Variants in PICK1 observed in about 807,000 individuals in gnomAD.
PICK1 encodes protein interacting with PRKCA 1, also known as PRKCA-binding protein.
A neutral mutation model predicts 48.9 loss-of-function variants in PICK1; 23 were observed. The observed-to-expected ratio is 0.47, with a 90% confidence interval of 0.34 to 0.67. PICK1 has a LOEUF of 0.67. PICK1 is among the 30% of genes least tolerant of loss of function. PICK1 has a pLI of 0.01. For synonymous variants in PICK1, 217 were observed against 228.2 expected, an observed-to-expected ratio of 0.95 and a Z score of 0.44; for missense variants, 423 against 557.1, an observed-to-expected ratio of 0.76 and a Z score of 2.42.
intron 8 of PICK1, 83 bp downstream of exon 8, chr22:38,071,827 A>G: frequency 8.4e-7 from 1 of 1,191,404 alleles, no homozygotes. Flanking sequence ...GGTCAGACCC[A>G]CAGCGCCTGA....
rs376840369 is a variant in PICK1, at chr22:38,073,822, T to C, written c.833T>C (p.Ile278Thr). 6.2e-7 allele frequency: 1 copy of C among 1,613,134 alleles called. No homozygotes were observed. Among genetic ancestry groups the C allele is most frequent in the Admixed American group, 1.7e-5 (1 of 60,018 alleles). Residue 278 changes from isoleucine (I) to threonine (T), a missense_variant and splice_region_variant, in exon 11 of 13, where the codon ATT becomes ACT. Physicochemically the swap from Ile to Thr is moderately conservative, Grantham distance 89 (BLOSUM62 -1). Around this residue, in one of 2 missense-constraint regions of PICK1, gnomAD observed 279 missense variants for 417.8 expected, o/e 0.67. Transcript: ENST00000356976. The surrounding 1 kb of genome is among the most constrained non-coding windows in gnomAD (Gnocchi z 5.7). ...ATGGATGACGAGGAATACAGCTGCA[T>C]TGTGAGTGTTGGAGGGGGTGGGGGG... Reference protein sequence around the residue: ...KEMDDEEYSCIALGEPLYRVS... With the variant: ...KEMDDEEYSCTALGEPLYRVS...
At chr22:38,059,692 A>G (rs941985696) in intron 3 of PICK1, among the ~76,000 whole-genome samples, 1 of 152,236 alleles carries the variant, frequency 6.6e-6, no homozygotes, top group Non-Finnish European at 1.5e-5. Flanking sequence ...TATTGAATCA[A>G]CAAAACCATC....
chr22:38,070,898 G>A lies in PICK1; in HGVS notation c.493+7G>A, dbSNP rs1466794887. The A allele has an allele frequency of 1.9e-6, 3 of 1,610,516 alleles. No homozygotes were observed. Among genetic ancestry groups the A allele is most frequent in the African/African-American group, 1.3e-5 (1 of 74,854 alleles). ...ACCGCTGAGCTATACAAAGGTGGGT[G>A]GGGGGTGGCCTCGTCCTGGCACTAG... is the stretch of plus-strand genomic sequence containing the variant. On this transcript the variant is annotated splice_region_variant and intron_variant, in intron 7 of 12. Transcript: ENST00000356976.
chr22:38,067,423 C>T (rs2085555587), intron 4 of PICK1: 1 of 389,472 alleles, frequency 2.6e-6, no homozygotes, highest in Admixed American at 3.5e-5. Flanking sequence ...GATTCTTTGC[C>T]TCAGCCTCCT....
chr22:38,074,503 T>G lies in PICK1; in HGVS notation c.979+52T>G, dbSNP rs1205007011. On this transcript the variant is annotated intron_variant, in intron 12 of 12. Coordinates refer to ENST00000356976, the MANE Select transcript of PICK1 (RefSeq NM_012407.4). The surrounding 1 kb of genome is among the most constrained non-coding windows in gnomAD (Gnocchi z 4.5). ...CTCTCCATTTCAGAGGTGGGAAAAC[T>G]GAGGCCCAGAGGGGTACTCTCAGGG... 1.4e-6 allele frequency: 2 copies of G among 1,467,748 alleles called. No homozygotes were observed. The highest frequency in any genetic ancestry group is 1.2e-5 in the South Asian group (1 of 81,674). The allele number at this position is 1,467,748 out of a possible 1,614,324, so 90.9% of individuals were successfully genotyped here. A position where few individuals can be genotyped will look rare whatever the true frequency, so the allele number is the denominator to read the frequency against.
intron 3 of PICK1, among the ~76,000 whole-genome samples, chr22:38,062,500 G>T (rs371235175): frequency 2.0e-5 from 3 of 151,760 alleles, no homozygotes; most frequent in Admixed American, 2.0e-4. Context: ...CACCTGCCTC[G>T]ACCTCCCAAA....
rs2085298720 is a variant in PICK1 at position 38,057,534 on chromosome 22, C to T, written c.-111C>T. 5 of 505,924 alleles carry T rather than the reference C, an allele frequency of 9.9e-6. No individual in the cohort carries two copies. Among genetic ancestry groups the T allele is most frequent in the South Asian group, 9.8e-5 (4 of 40,664 alleles). 31.3% of individuals were successfully genotyped at this position (505,924 alleles called of 1,614,324 possible). A position where few individuals can be genotyped will look rare whatever the true frequency, so the allele number is the denominator to read the frequency against. ...CCCCAGGGCCTGGAGACCCGTGGGG[C>T]GGACTCTGGGATCTGAGCCTATCGC... On this transcript the variant is annotated 5_prime_UTR_variant, in exon 1 of 13. Coordinates refer to ENST00000356976, the MANE Select transcript of PICK1 (RefSeq NM_012407.4).
At chr22:38,057,982 C>T (rs2085311422) in intron 2 of PICK1, 132 bp downstream of exon 2, 1 of 771,722 alleles carries the variant, frequency 1.3e-6, no homozygotes, top group Non-Finnish European at 2.3e-6. Context: ...GCAATGGACC[C>T]TGCTCTCCCA....
chr22:38,064,579 T>A (rs1201119463), intron 3 of PICK1, among the ~76,000 whole-genome samples: 1 of 151,868 alleles, frequency 6.6e-6, no homozygotes, highest in Admixed American at 6.5e-5. Flanking sequence ...CTGACCAACA[T>A]GGAGAAACCC....
At chr22:38,063,632 C>G (rs2085458397) in intron 3 of PICK1, among the ~76,000 whole-genome samples, 1 of 149,534 alleles carries the variant, frequency 6.7e-6, no homozygotes, top group Non-Finnish European at 1.5e-5. Flanking sequence ...CTTTTCTTCT[C>G]TTCTCTGTTC....
chr22:38,068,376 C>T (rs1018199785), intron 5 of PICK1, among the ~76,000 whole-genome samples: 7 of 152,182 alleles, frequency 4.6e-5, no homozygotes, highest in Non-Finnish European at 5.9e-5. Context: ...TGGATCAAAG[C>T]CTGAGACCCA....
Position 38,073,890 on chromosome 22 carries a change from C to G in PICK1, c.834+67C>G, listed in dbSNP as rs2085763694. On this transcript the variant is annotated intron_variant, in intron 11 of 12. Coordinates refer to ENST00000356976, the MANE Select transcript of PICK1 (RefSeq NM_012407.4). This position sits in a 1 kb window ranked among gnomAD's most constrained non-coding sequence, Gnocchi z 5.7. ...CTGGTCTGCCAGGGATAGCAGGTGG[C>G]TCAGGCCAACCCGGGAGAGACCGGG... The G allele has an allele frequency of 6.7e-7, 1 of 1,487,258 alleles. No homozygotes were observed. Among genetic ancestry groups the G allele is most frequent in the Non-Finnish European group, 9.4e-7 (1 of 1,065,214 alleles). 92.1% of individuals were successfully genotyped at this position (1,487,258 alleles called of 1,614,324 possible).
Position 38,073,856 on chromosome 22 carries a change from T to TC in PICK1, c.834+39dup. 3 of 1,595,642 alleles carry TC rather than the reference T, an allele frequency of 1.9e-6. No individual in the cohort carries two copies. Among genetic ancestry groups the TC allele is most frequent in the Non-Finnish European group, 1.7e-6 (2 of 1,164,054 alleles). On this transcript the variant is annotated intron_variant, in intron 11 of 12. Coordinates refer to ENST00000356976, the MANE Select transcript of PICK1 (RefSeq NM_012407.4). The surrounding 1 kb of genome is among the most constrained non-coding windows in gnomAD (Gnocchi z 5.7). Reference sequence around the variant, plus strand: ...TTGGAGGGGGTGGGGGGCTTGTACTTCCCCCCACCTGGTCTGCCAGGGATA... The same window carrying TC: ...TTGGAGGGGGTGGGGGGCTTGTACTTCCCCCCCACCTGGTCTGCCAGGGATA...
chr22:38,061,542 A>G (rs1040447160), intron 3 of PICK1, among the ~76,000 whole-genome samples: 7 of 151,934 alleles, frequency 4.6e-5, no homozygotes, highest in Non-Finnish European at 7.4e-5. Flanking sequence ...ATTTTTCTCA[A>G]TAGTCTCACT....
chr22:38,062,857 CTTGTCACA>C (rs1001115223), intron 3 of PICK1, among the ~76,000 whole-genome samples: 78 of 152,172 alleles, frequency 5.1e-4, no homozygotes, highest in African/African-American at 1.8e-3. Flanking sequence ...GTGTGATGGC[CTTGTCACA>C]TTGTCCTTTG....
chr22:38,073,757 C>CA lies in PICK1; in HGVS notation c.784-15dup, dbSNP rs1569204581. On this transcript the variant is annotated splice_polypyrimidine_tract_variant and intron_variant, in intron 10 of 12. Transcript: ENST00000356976. The surrounding 1 kb of genome is among the most constrained non-coding windows in gnomAD (Gnocchi z 5.7). ...GGGGTAGTAGCCACTCTGACAGCCTCACCTGTCCCACACAGTCGTACTGCC... is the reference window on the plus strand; with the variant it reads ...GGGGTAGTAGCCACTCTGACAGCCTCAACCTGTCCCACACAGTCGTACTGCC... The CA allele has an allele frequency of 6.2e-7, 1 of 1,612,634 alleles. No individual in the cohort carries two copies.
chr22:38,067,528 C>T (rs880669), intron 4 of PICK1, 176 bp from the exon 5 acceptor site: 155,693 of 629,830 alleles, frequency 0.25, 20,646 homozygotes, highest in Non-Finnish European at 0.28. Context: ...AAGCTGGTCT[C>T]AAACTCCTGA....
In PICK1 at chr22:38,057,518, C is replaced by T. The variant is rs2085298200; in HGVS notation, c.-127C>T. On this transcript the variant is annotated 5_prime_UTR_variant, in exon 1 of 13. Coordinates refer to ENST00000356976, the MANE Select transcript of PICK1 (RefSeq NM_012407.4). ...AGCGACAGAGGCAGCTCCCCAGGGC[C>T]TGGAGACCCGTGGGGCGGACTCTGG... 6 of 475,688 alleles carry T rather than the reference C, an allele frequency of 1.3e-5. No individual in the cohort carries two copies. Among genetic ancestry groups the T allele is most frequent in the African/African-American group, 5.8e-5 (3 of 51,544 alleles). The allele number at this position is 475,688 out of a possible 1,614,324, so 29.5% of individuals were successfully genotyped here. A position where few individuals can be genotyped will look rare whatever the true frequency, so the allele number is the denominator to read the frequency against.
chr22:38,058,250 C>A, intron 2 of PICK1: 2 of 274,240 alleles, frequency 7.3e-6, no homozygotes, highest in South Asian at 9.0e-5. Context: ...TAGAATATAT[C>A]CTCTTTCAGA....
Sources: gnomAD v4.1 joint callset for allele counts (sites outside exome capture counted in the v4.1 genomes callset) on GRCh38, gnomAD v4.1.1 for gene constraint, gnomAD v4.1.1 regional missense constraint, Gnocchi (gnomAD v3.1) non-coding constraint, MANE v1.5 for transcripts, NCBI Gene and HGNC (gene_info 2026-07-23, HGNC 2026-07-21) for gene names.